The following ADAM12 variants were observed in gnomAD, a reference collection of about 807,000 sequenced individuals.
The protein encoded by ADAM12 is ADAM metallopeptidase domain 12.
In ADAM12, 70 loss-of-function variants were observed where a neutral mutation model predicts 106.4. The ratio of observed to expected loss-of-function variants is 0.66; its 90% confidence interval spans 0.54 to 0.80. ADAM12 has a LOEUF of 0.80. ADAM12 is among the 30% of genes least tolerant of loss of function. ADAM12 has a pLI of 0.00. For synonymous variants in ADAM12, 420 were observed against 433.5 expected, an observed-to-expected ratio of 0.97 and a Z score of 0.39; for missense variants, 1,010 against 1,171.9, an observed-to-expected ratio of 0.86 and a Z score of 2.02.
chr10:126,065,667 T>C (rs894025440), intron 13 of ADAM12, among the ~76,000 whole-genome samples: 1 of 152,126 alleles, frequency 6.6e-6, no homozygotes, highest in African/African-American at 2.4e-5. Flanking sequence ...CTGGGCTTAG[T>C]TCCCTGCATA....
intron 3 of ADAM12, among the ~76,000 whole-genome samples, chr10:126,275,190 G>C (rs1959213900): frequency 6.6e-6 from 1 of 152,170 alleles, no homozygotes; most frequent in African/African-American, 2.4e-5. Context: ...AACTGGAAAA[G>C]CTGATGCCAA....
rs1954117778 is a variant in ADAM12 at position 126,039,317 on chromosome 10, C to T, written c.2217G>A (p.Lys739=). The change falls in exon 19 of 23, where the codon AAG becomes AAA. Residue 739 remains lysine, a synonymous_variant. Coordinates refer to ENST00000448723, the MANE Select transcript of ADAM12 (RefSeq NM_001288973.2). ...KTLIRLLFTN[K]KTTIEKLRCV... is the part of the protein sequence containing the mutation. ...ACCTTAGTTTTTCAATGGTGGTCTT[C>T]TTATTTGTAAACAGCAGTCGTATCA... The T allele has an allele frequency of 1.2e-6, 2 of 1,614,036 alleles. No homozygotes were observed. Among genetic ancestry groups the T allele is most frequent in the Non-Finnish European group, 8.5e-7 (1 of 1,179,952 alleles).
At chr10:126,100,931 TG>T in intron 9 of ADAM12, 140 bp downstream of exon 9, 1 of 818,684 alleles carries the variant, frequency 1.2e-6, no homozygotes, top group Non-Finnish European at 1.8e-6. Context: ...TCTGCCCCCC[TG>T]GTGTGAGCTG....
chr10:126,042,961 A>G (rs1379740002), intron 18 of ADAM12, 79 bp downstream of exon 18: 7 of 1,374,292 alleles, frequency 5.1e-6, no homozygotes, highest in Non-Finnish European at 7.0e-6. Flanking sequence ...CTCTACCTGC[A>G]CCCATGCTGA....
chr10:126,097,066 G>T lies in ADAM12; in HGVS notation c.996+1350C>A, dbSNP rs927602146. The stretch of plus-strand genomic sequence containing the variant: ...AGGCCCATTTCAGCACCGCACAGCA[G>T]CAGAACTTACCATGCTTATGAAGAA... On this transcript the variant is annotated intron_variant, in intron 10 of 22. Coordinates refer to ENST00000448723, the MANE Select transcript of ADAM12 (RefSeq NM_001288973.2). 1.8e-4 allele frequency among the ~76,000 whole-genome samples: 27 copies of T among 152,296 alleles called. 1 individual carries two copies. The highest frequency in any genetic ancestry group is 1.6e-3 in the Admixed American group (25 of 15,306).
intron 1 of ADAM12, among the ~76,000 whole-genome samples, chr10:126,353,694 G>GTCTAATATTCC (rs1855441772): frequency 1.3e-5 from 2 of 152,156 alleles, no homozygotes; most frequent in Non-Finnish European, 2.9e-5. Context: ...CACTATTTGT[G>GTCTAATATTCC]AATAGACAAA....
chr10:126,140,378 T>C (rs1956487523), intron 4 of ADAM12, among the ~76,000 whole-genome samples: 1 of 152,228 alleles, frequency 6.6e-6, no homozygotes, highest in African/African-American at 2.4e-5. Flanking sequence ...CACAGAAATA[T>C]AAGCTCGTTA....
chr10:126,248,860 C>T (rs186298502), intron 3 of ADAM12, among the ~76,000 whole-genome samples: 18 of 152,022 alleles, frequency 1.2e-4, no homozygotes, highest in Admixed American at 5.9e-4. Flanking sequence ...CAGGCGCCAT[C>T]GTACCTGGCT....
At chr10:126,068,398 A>G (rs995877296) in intron 12 of ADAM12, among the ~76,000 whole-genome samples, 1 of 152,206 alleles carries the variant, frequency 6.6e-6, no homozygotes, top group Admixed American at 6.5e-5. Context: ...CCCCTCTCTC[A>G]AATCACCCAG....
intron 3 of ADAM12, among the ~76,000 whole-genome samples, chr10:126,159,323 AAAAAAAAAG>A (rs1431897545): frequency 6.6e-6 from 1 of 151,010 alleles, no homozygotes; most frequent in Non-Finnish European, 1.5e-5. Context: ...AAAAAAAAAA[AAAAAAAAAG>A]GAGCACACTT....
chr10:126,088,089 T>C (rs553588152), intron 11 of ADAM12, among the ~76,000 whole-genome samples: 15 of 152,350 alleles, frequency 9.8e-5, no homozygotes, highest in South Asian at 6.2e-4. Context: ...GTTATGGTTA[T>C]AGATTTTTCT....
At chr10:126,085,277 T>C (rs1418525549) in intron 11 of ADAM12, among the ~76,000 whole-genome samples, 1 of 152,224 alleles carries the variant, frequency 6.6e-6, no homozygotes, top group Non-Finnish European at 1.5e-5. Context: ...TTGCAAACTA[T>C]TGTAAATCCA....
At chr10:126,242,747 C>A (rs539375257) in intron 3 of ADAM12, among the ~76,000 whole-genome samples, 2 of 152,298 alleles carry the variant, frequency 1.3e-5, no homozygotes, top group African/African-American at 4.8e-5. Context: ...CCAGGCTCCT[C>A]AGGATTTCAA....
intron 17 of ADAM12, among the ~76,000 whole-genome samples, chr10:126,044,587 A>G (rs1172221638): frequency 6.6e-6 from 1 of 152,250 alleles, no homozygotes; most frequent in Non-Finnish European, 1.5e-5. Flanking sequence ...CCATCAAAAT[A>G]TGGCTGCCAG....
At chr10:126,384,999 C>A (rs1856613014) in intron 1 of ADAM12, among the ~76,000 whole-genome samples, 1 of 152,204 alleles carries the variant, frequency 6.6e-6, no homozygotes, top group Non-Finnish European at 1.5e-5. Context: ...GGGTCCACAA[C>A]CCCCTTCTCA....
Position 126,049,326 on chromosome 10 carries a change from G to T in ADAM12, c.1844C>A (p.Thr615Asn). Residue 615 changes from threonine (T) to asparagine (N), a missense_variant, in exon 16 of 23, where the codon ACC becomes AAC. Physicochemically the swap from Thr to Asn is moderately conservative, Grantham distance 65. Coordinates refer to ENST00000448723, the MANE Select transcript of ADAM12 (RefSeq NM_001288973.2). The surrounding 1 kb of genome is among the most constrained non-coding windows in gnomAD (Gnocchi z 4.4). Reference sequence around the variant, plus strand: ...CATGTCATCGCCCAAGTACACGTGGGTCCCCCGGCACAGAATCCGGCCTCC... The same window carrying T: ...CATGTCATCGCCCAAGTACACGTGGTTCCCCCGGCACAGAATCCGGCCTCC... ...QQGGRILCRG[T>N]HVYLGDDMPD... The T allele has an allele frequency of 6.2e-7, 1 of 1,614,226 alleles. No homozygotes were observed. Among genetic ancestry groups the T allele is most frequent in the Middle Eastern group, 1.6e-4 (1 of 6,062 alleles).
intron 2 of ADAM12, among the ~76,000 whole-genome samples, chr10:126,297,373 T>C (rs959377528): frequency 6.6e-6 from 1 of 152,040 alleles, no homozygotes; most frequent in Admixed American, 6.5e-5. Context: ...CAAAAACCCA[T>C]CTCTACAAAA....
At chr10:126,181,733 A>T (rs895391485) in intron 3 of ADAM12, among the ~76,000 whole-genome samples, 2 of 152,186 alleles carry the variant, frequency 1.3e-5, no homozygotes, top group African/African-American at 4.8e-5. Context: ...GTTGGTTAAA[A>T]TTGCAGCTTT....
rs13376940 is a variant in ADAM12, at chr10:126,206,753, G to C, written c.261-51448C>G. 3.0e-3 allele frequency among the ~76,000 whole-genome samples: 447 copies of C among 150,886 alleles called. 2 individuals carry two copies. The highest frequency in any genetic ancestry group is 0.01 in the African/African-American group (413 of 41,252). ...GGGTCTTCTTTCTCCTGAAGGCTTT[G>C]CAGTTCTCTGCAGGCAGGGAGGAAG... On this transcript the variant is annotated intron_variant, in intron 3 of 22. Transcript: ENST00000448723.
Sources: gnomAD v4.1 joint callset for allele counts (sites outside exome capture counted in the v4.1 genomes callset) on GRCh38, gnomAD v4.1.1 for gene constraint, Gnocchi (gnomAD v3.1) non-coding constraint, MANE v1.5 for transcripts, NCBI Gene and HGNC (gene_info 2026-07-23, HGNC 2026-07-21) for gene names.